The following IFT80 variants were observed in gnomAD, a reference collection of about 807,000 sequenced individuals.
IFT80 encodes the protein intraflagellar transport 80.
A neutral mutation model predicts 107.9 loss-of-function variants in IFT80; 79 were observed. The observed-to-expected ratio is 0.73, with a 90% confidence interval of 0.61 to 0.88. The LOEUF (loss-of-function observed/expected upper bound fraction) is 0.88, where lower values mean the gene tolerates loss of function less well. IFT80 is among the 40% of genes least tolerant of loss of function. The pLI is 0.00. For synonymous variants in IFT80, 299 were observed against 300.9 expected (o/e 0.99, Z 0.07); for missense variants, 797 against 914.2 (o/e 0.87, Z 1.65).
At chr3:160,267,880 A>T (rs534925307) in intron 19 of IFT80, among the ~76,000 whole-genome samples, 1 of 152,128 alleles carries the variant, frequency 6.6e-6, no homozygotes, top group Non-Finnish European at 1.5e-5. Flanking sequence ...ACTTTCTTCT[A>T]ATTAGAGTAA....
chr3:160,349,495 G>A (rs1720524472), intron 8 of IFT80, among the ~76,000 whole-genome samples: 1 of 151,714 alleles, frequency 6.6e-6, no homozygotes, highest in Admixed American at 6.6e-5. Flanking sequence ...AAAAATTTGT[G>A]AAGAGCTCTC....
intron 10 of IFT80, among the ~76,000 whole-genome samples, chr3:160,306,559 CT>C (rs1716841686): frequency 6.6e-6 from 1 of 152,048 alleles, no homozygotes; most frequent in Non-Finnish European, 1.5e-5. Flanking sequence ...CAAATTCTTA[CT>C]GTTCCTCTTT....
intron 18 of IFT80, among the ~76,000 whole-genome samples, chr3:160,272,288 T>A (rs570276941): frequency 6.6e-6 from 1 of 152,166 alleles, no homozygotes; most frequent in South Asian, 2.1e-4. Context: ...TGAATATAAT[T>A]ACTGTTTACT....
chr3:160,319,857 G>C lies in IFT80; in HGVS notation c.860C>G (p.Ala287Gly), dbSNP rs771844113. 6.2e-7 allele frequency: 1 copy of C among 1,612,744 alleles called. No individual in the cohort carries two copies. The highest frequency in any genetic ancestry group is 8.5e-7 in the Non-Finnish European group (1 of 1,179,236). Reference sequence around the variant, plus strand: ...AAAAACGACATGTCCATTTCCACAGGCTCCAGCAATCTGAGTGCCATCGAT... The same window carrying C: ...AAAAACGACATGTCCATTTCCACAGCCTCCAGCAATCTGAGTGCCATCGAT... The part of the protein sequence containing the change: ...WSIDGTQIAG[A>G]CGNGHVVFAH... Residue 287 changes from alanine (A) to glycine (G), a missense_variant, in exon 9 of 20, where the codon GCC becomes GGC. Physicochemically the swap from Ala to Gly is moderately conservative, Grantham distance 60. Transcript: ENST00000326448.
At chr3:160,319,041 C>T (rs1311727831) in intron 9 of IFT80, among the ~76,000 whole-genome samples, 1 of 151,822 alleles carries the variant, frequency 6.6e-6, no homozygotes, top group Admixed American at 6.6e-5. Flanking sequence ...CTTTTTTTGC[C>T]CTATTGTGTA....
intron 1 of IFT80, among the ~76,000 whole-genome samples, chr3:160,388,231 T>TC (rs1359573143): frequency 2.0e-5 from 3 of 151,346 alleles, no homozygotes; most frequent in Admixed American, 1.3e-4. Flanking sequence ...TTTTTTTTTT[T>TC]CAGTGGCAAA....
At chr3:160,348,578 C>T (rs1185221775) in intron 8 of IFT80, among the ~76,000 whole-genome samples, 1 of 152,222 alleles carries the variant, frequency 6.6e-6, no homozygotes, top group Non-Finnish European at 1.5e-5. Context: ...AGCAATTCTA[C>T]TTCTAAGTAT....
chr3:160,324,826 G>A lies in IFT80; in HGVS notation c.778-4887C>T, dbSNP rs1000164213. ...AATAAAGGGTATTCAATTAGGAAAA[G>A]AGGAAGTCAAATTGTCCCTGTTTGC... is the stretch of plus-strand genomic sequence containing the variant. On this transcript the variant is annotated intron_variant, in intron 8 of 19. Transcript: ENST00000326448. Among the ~76,000 whole-genome samples, 13 of 152,250 alleles carry A rather than the reference G, an allele frequency of 8.5e-5. 1 individual carries two copies. Among genetic ancestry groups the A allele is most frequent in the African/African-American group, 2.4e-4 (10 of 41,548 alleles).
At chr3:160,375,700 C>A in intron 5 of IFT80, 112 bp downstream of exon 5, 1 of 727,026 alleles carries the variant, frequency 1.4e-6, no homozygotes, top group Non-Finnish European at 2.4e-6. Flanking sequence ...CTGTTTTGAA[C>A]TCAACCAAAG....
Position 160,258,600 on chromosome 3 carries a change from A to C in IFT80, c.2259T>G (p.Ile753Met). 2 of 1,613,366 alleles carry C rather than the reference A, an allele frequency of 1.2e-6. No homozygotes were observed. The highest frequency in any genetic ancestry group is 1.7e-6 in the Non-Finnish European group (2 of 1,179,952). The change falls in exon 20 of 20, where the codon ATT (isoleucine) becomes ATG (methionine). Residue 753 changes from isoleucine (I) to methionine (M), a missense_variant. Coordinates refer to ENST00000326448, the MANE Select transcript of IFT80 (RefSeq NM_020800.3). ...QIDWEKIKAKIEMEITKEREQ... is the reference protein window; with the variant it reads ...QIDWEKIKAKMEMEITKEREQ... ...CTCTTTCTTTTGTAATTTCCATCTCAATTTTGGCTTTGATTTTCTCCCAAT... is the reference window on the plus strand; with the variant it reads ...CTCTTTCTTTTGTAATTTCCATCTCCATTTTGGCTTTGATTTTCTCCCAAT...
chr3:160,384,670 A>T (rs1712789039), intron 1 of IFT80, 24 bp from the exon 2 acceptor site: 1 of 1,549,266 alleles, frequency 6.5e-7, no homozygotes, highest in African/African-American at 1.4e-5. Flanking sequence ...AGGAGAGAAA[A>T]TATAAAGTCA....
intron 1 of IFT80, among the ~76,000 whole-genome samples, chr3:160,389,382 A>T (rs1212048659): frequency 6.6e-6 from 1 of 151,944 alleles, no homozygotes; most frequent in East Asian, 1.9e-4. Context: ...CACAATGTGC[A>T]GGTTAGTTAC....
intron 4 of IFT80, among the ~76,000 whole-genome samples, chr3:160,377,062 A>G (rs191572946): frequency 6.6e-6 from 1 of 152,358 alleles, no homozygotes; most frequent in African/African-American, 2.4e-5. Context: ...TGAGCAATAG[A>G]AAACTAATGT....
At chr3:160,374,404 T>TA (rs199559986) in intron 5 of IFT80, among the ~76,000 whole-genome samples, 94 of 112,878 alleles carry the variant, frequency 8.3e-4, no homozygotes, top group East Asian at 1.9e-3. Flanking sequence ...CAAGACCGTC[T>TA]AAAAAAAAAA....
chr3:160,344,062 T>C (rs1576840264), intron 8 of IFT80, among the ~76,000 whole-genome samples: 1 of 152,214 alleles, frequency 6.6e-6, no homozygotes, highest in Non-Finnish European at 1.5e-5. Context: ...AATGTTCCCA[T>C]CAATGTTCTA....
intron 1 of IFT80, among the ~76,000 whole-genome samples, chr3:160,392,959 T>C (rs1046451569): frequency 6.6e-6 from 1 of 152,164 alleles, no homozygotes; most frequent in East Asian, 1.9e-4. Flanking sequence ...TAGTCCTAGC[T>C]ACTTGGGAAG....
chr3:160,339,096 T>C (rs540697276), intron 8 of IFT80, among the ~76,000 whole-genome samples: 2 of 152,320 alleles, frequency 1.3e-5, no homozygotes, highest in South Asian at 2.1e-4. Context: ...ATTGATAATG[T>C]TCTTTATTAA....
intron 1 of IFT80, among the ~76,000 whole-genome samples, chr3:160,387,972 G>T (rs1356390399): frequency 6.6e-6 from 1 of 152,182 alleles, no homozygotes; most frequent in Non-Finnish European, 1.5e-5. Context: ...AGCCAGTATA[G>T]ATATTGGTAA....
At chr3:160,259,062 T>C (rs1712596641) in intron 19 of IFT80, among the ~76,000 whole-genome samples, 1 of 152,122 alleles carries the variant, frequency 6.6e-6, no homozygotes, top group African/African-American at 2.4e-5. Context: ...GAGCCGTGAT[T>C]GCACCATTGC....
Sources: allele counts gnomAD v4.1 joint callset (sites outside exome capture counted in the v4.1 genomes callset), GRCh38; gene constraint gnomAD v4.1.1; transcripts MANE v1.5; gene names NCBI Gene and HGNC (gene_info 2026-07-23, HGNC 2026-07-21).